DLG2: variants seen among roughly 807,000 people sequenced by gnomAD.
The protein encoded by DLG2 is disks large homolog 2.
In DLG2, 45 loss-of-function variants were observed where a neutral mutation model predicts 132.5. The observed-to-expected ratio is 0.34, with a 90% confidence interval of 0.27 to 0.44. The LOEUF (loss-of-function observed/expected upper bound fraction) is 0.44, where lower values mean the gene tolerates loss of function less well. Among genes scored for constraint, DLG2 ranks in the 20% least tolerant of loss-of-function variants. The pLI, the probability that DLG2 is intolerant of heterozygous loss-of-function variation, is 1.00. For synonymous variants in DLG2, 424 were observed against 419.6 expected, an observed-to-expected ratio of 1.01 and a Z score of -0.13; for missense variants, 1,045 against 1,196.9, an observed-to-expected ratio of 0.87 and a Z score of 1.87.
chr11:84,525,822 A>G (rs953533799), intron 7 of DLG2, among the ~76,000 whole-genome samples: 3 of 152,128 alleles, frequency 2.0e-5, no homozygotes, highest in Non-Finnish European at 4.4e-5. Context: ...TAATTCTTAC[A>G]TTATGCGTCA....
rs193206406 is a variant in DLG2 at position 85,290,785 on chromosome 11, C to A, written c.41-5420G>T. 1.8e-4 allele frequency among the ~76,000 whole-genome samples: 27 copies of A among 152,120 alleles called. 2 individuals carry two copies. In the East Asian group the frequency reaches 5.3e-3, roughly 30 times the overall value. On this transcript the variant is annotated intron_variant, in intron 3 of 27. Coordinates refer to ENST00000376104, the MANE Select transcript of DLG2 (RefSeq NM_001142699.3). ...TGAGAGAGCCCCTATTCAGTCCAAT[C>A]TCTCTCTCTTTTAACCTACACTCCT...
At chr11:85,261,263 T>C (rs898091035) in intron 4 of DLG2, among the ~76,000 whole-genome samples, 2 of 152,116 alleles carry the variant, frequency 1.3e-5, no homozygotes, top group African/African-American at 4.8e-5. Flanking sequence ...GTGAGATATT[T>C]GGGAACAGAA....
In DLG2 at chr11:84,205,025, A is replaced by T. The variant is rs540769613; in HGVS notation, c.574-41514T>A. On this transcript the variant is annotated intron_variant, in intron 8 of 27. Coordinates refer to ENST00000376104, the MANE Select transcript of DLG2 (RefSeq NM_001142699.3). ...AGCAGCCACTGATGTACTTTAAATT[A>T]AAAAACATAGATAGAAATTAAGAGG... Among the ~76,000 whole-genome samples the T allele has an allele frequency of 3.3e-5, 5 of 152,314 alleles. No homozygotes were observed. In the South Asian group the frequency reaches 1.0e-3, roughly 32 times the overall value.
At chr11:83,881,380 G>A (rs760030579) in intron 15 of DLG2, among the ~76,000 whole-genome samples, 8 of 152,092 alleles carry the variant, frequency 5.3e-5, no homozygotes, top group African/African-American at 9.7e-5. Context: ...TAATGGTACC[G>A]ATTTTGATCT....
chr11:85,596,508 T>C (rs527362105), intron 3 of DLG2, among the ~76,000 whole-genome samples: 2 of 152,316 alleles, frequency 1.3e-5, no homozygotes, highest in South Asian at 4.1e-4. Flanking sequence ...TTATTATCCA[T>C]TTGTGTTTTC....
intron 7 of DLG2, among the ~76,000 whole-genome samples, chr11:84,471,029 G>C (rs1365815784): frequency 2.0e-5 from 3 of 151,514 alleles, no homozygotes; most frequent in African/African-American, 7.3e-5. Flanking sequence ...CTTTTTGCTT[G>C]AGCTAAAATC....
At chr11:84,356,613 G>T (rs1278817854) in intron 7 of DLG2, among the ~76,000 whole-genome samples, 1 of 152,006 alleles carries the variant, frequency 6.6e-6, no homozygotes, top group Non-Finnish European at 1.5e-5. Context: ...ATGATTAAAT[G>T]AGTTAAAATA....
chr11:84,486,984 T>C (rs533108725), intron 7 of DLG2, among the ~76,000 whole-genome samples: 35 of 152,170 alleles, frequency 2.3e-4, no homozygotes, highest in African/African-American at 8.4e-4. Context: ...ACAAAAATAA[T>C]GGTAAGACAT....
intron 7 of DLG2, among the ~76,000 whole-genome samples, chr11:84,505,001 C>T (rs1410181323): frequency 6.6e-6 from 1 of 152,044 alleles, no homozygotes; most frequent in South Asian, 2.1e-4. Flanking sequence ...CTTTTATATT[C>T]TTTTACGTCA....
At chr11:85,569,808 T>C (rs1454248218) in intron 3 of DLG2, among the ~76,000 whole-genome samples, 2 of 152,218 alleles carry the variant, frequency 1.3e-5, no homozygotes, top group Non-Finnish European at 2.9e-5. Flanking sequence ...GTTCAGCCAT[T>C]GTGGAAAGCA....
In DLG2 at chr11:84,301,676, A is replaced by AT. The variant is rs1485326211; in HGVS notation, c.520-50386_520-50385insA. Among the ~76,000 whole-genome samples, 82 of 147,770 alleles carry AT rather than the reference A, an allele frequency of 5.5e-4. 1 individual carries two copies. Among genetic ancestry groups the AT allele is most frequent in the Non-Finnish European group, 6.7e-4 (45 of 67,090 alleles). On this transcript the variant is annotated intron_variant, in intron 7 of 27. Transcript: ENST00000376104. ...CAAAAAAAAAAAAAAAAAAAAAAAA[A>AT]GTCAAGAAACGACAGATGCTGGAGA...
At chr11:84,511,706 C>T (rs1175572456) in intron 7 of DLG2, among the ~76,000 whole-genome samples, 2 of 152,074 alleles carry the variant, frequency 1.3e-5, no homozygotes, top group Non-Finnish European at 2.9e-5. Flanking sequence ...AATGGTGCTC[C>T]TGAGTGCTGG....
At chr11:85,616,298 A>G (rs2081334683) in intron 2 of DLG2, among the ~76,000 whole-genome samples, 2 of 152,212 alleles carry the variant, frequency 1.3e-5, no homozygotes, top group African/African-American at 4.8e-5. Context: ...AAGAAACAGT[A>G]TATAGTAAGG....
intron 10 of DLG2, among the ~76,000 whole-genome samples, chr11:84,096,735 A>G (rs748140895): frequency 5.3e-5 from 8 of 152,192 alleles, no homozygotes; most frequent in Non-Finnish European, 8.8e-5. Flanking sequence ...AATCCCCACG[A>G]TGACTCATAG....
At chr11:85,227,942 C>T (rs2075072895) in intron 4 of DLG2, among the ~76,000 whole-genome samples, 1 of 152,092 alleles carries the variant, frequency 6.6e-6, no homozygotes, top group South Asian at 2.1e-4. Flanking sequence ...CTACCCAGGA[C>T]AATCTTCCCC....
chr11:84,684,516 T>C (rs1455053354), intron 6 of DLG2, among the ~76,000 whole-genome samples: 1 of 152,164 alleles, frequency 6.6e-6, no homozygotes, highest in Admixed American at 6.5e-5. Flanking sequence ...CAGCATCAAC[T>C]CTATGGGTAC....
At chr11:84,168,492 G>A (rs1027560841) in intron 8 of DLG2, among the ~76,000 whole-genome samples, 3 of 152,164 alleles carry the variant, frequency 2.0e-5, no homozygotes, top group East Asian at 3.9e-4. Flanking sequence ...TCCAGTTCTT[G>A]TGGTCTCTTG....
At chr11:85,031,828 G>C (rs182249168) in intron 6 of DLG2, among the ~76,000 whole-genome samples, 93 of 152,048 alleles carry the variant, frequency 6.1e-4, no homozygotes, top group African/African-American at 2.2e-3. Flanking sequence ...TTTGTCACCT[G>C]AGTGGAGTGC....
chr11:84,149,720 TTTTA>T (rs111864510), intron 9 of DLG2, among the ~76,000 whole-genome samples: 3 of 152,168 alleles, frequency 2.0e-5, no homozygotes, highest in African/African-American at 4.8e-5. Flanking sequence ...TACATAAGAA[TTTTA>T]TTTATTTATT....
Sources: allele counts gnomAD v4.1 joint callset (sites outside exome capture counted in the v4.1 genomes callset), GRCh38; gene constraint gnomAD v4.1.1; transcripts MANE v1.5; gene names NCBI Gene and HGNC (gene_info 2026-07-23, HGNC 2026-07-21).